Variants in CNTNAP2 observed in about 807,000 individuals in gnomAD.
CNTNAP2 encodes contactin associated protein 2.
A neutral mutation model predicts 155.2 loss-of-function variants in CNTNAP2; 98 were observed. The ratio of observed to expected loss-of-function variants is 0.63; its 90% confidence interval spans 0.54 to 0.75. The LOEUF (loss-of-function observed/expected upper bound fraction) is 0.75, where lower values mean the gene tolerates loss of function less well. CNTNAP2 is among the 30% of genes least tolerant of loss of function. The pLI is 0.00. For missense variants in CNTNAP2, 1,727 were observed against 1,688.1 expected (o/e 1.02, Z -0.40); for synonymous variants, 651 against 631.2 (o/e 1.03, Z -0.47).
Position 146,181,478 on chromosome 7 carries a change from A to T in CNTNAP2, c.97+64505A>T, listed in dbSNP as rs183444997. ...CATATAGTAACATTTGCAAATCTTA[A>T]GTGTCTAAATCAATGCGGTTTTACA... On this transcript the variant is annotated intron_variant, in intron 1 of 23. Transcript: ENST00000361727. 9.2e-5 allele frequency among the ~76,000 whole-genome samples: 14 copies of T among 152,290 alleles called. No homozygotes were observed. In the South Asian group the frequency reaches 1.7e-3, roughly 18 times the overall value.
At chr7:147,199,414 A>C (rs1279452217) in intron 8 of CNTNAP2, among the ~76,000 whole-genome samples, 1 of 152,242 alleles carries the variant, frequency 6.6e-6, no homozygotes, top group African/African-American at 2.4e-5. Context: ...AGATATTAAG[A>C]AATGCAAAAC....
intron 8 of CNTNAP2, among the ~76,000 whole-genome samples, chr7:147,190,599 T>C (rs1250203451): frequency 6.6e-6 from 1 of 152,128 alleles, no homozygotes; most frequent in African/African-American, 2.4e-5. Flanking sequence ...TTCGCAATGG[T>C]GTTGGCTTGA....
chr7:147,193,744 G>A (rs1563110697), intron 8 of CNTNAP2, among the ~76,000 whole-genome samples: 2 of 152,120 alleles, frequency 1.3e-5, no homozygotes, highest in Non-Finnish European at 2.9e-5. Context: ...AATACCAGTT[G>A]CAAAGCAGGA....
chr7:147,923,894 G>A lies in CNTNAP2; in HGVS notation c.2255+20173G>A, dbSNP rs562741208. 3.9e-5 allele frequency among the ~76,000 whole-genome samples: 6 copies of A among 152,256 alleles called. No homozygotes were observed. The South Asian group carries it at 1.0e-3, about 26-fold the overall frequency. On this transcript the variant is annotated intron_variant, in intron 14 of 23. Coordinates refer to ENST00000361727, the MANE Select transcript of CNTNAP2 (RefSeq NM_014141.6). ...CTTGATTTCAGACTTCTAGCCTCCA[G>A]AACTGTGAGAAAATAAATCTCTGTT...
At chr7:147,643,248 A>G (rs1795313773) in intron 13 of CNTNAP2, 1 of 152,226 alleles carries the variant, frequency 6.6e-6, no homozygotes, top group South Asian at 2.1e-4. Context: ...TGGCATACAT[A>G]GTTACCTCCT....
intron 10 of CNTNAP2, among the ~76,000 whole-genome samples, chr7:147,457,187 C>T (rs540849180): frequency 1.6e-4 from 24 of 151,902 alleles, no homozygotes; most frequent in South Asian, 6.2e-4. Context: ...ATGAAAAGGG[C>T]GAGAACAAAG....
intron 1 of CNTNAP2, among the ~76,000 whole-genome samples, chr7:146,516,023 G>T (rs1797535873): frequency 6.6e-6 from 1 of 151,990 alleles, no homozygotes; most frequent in Non-Finnish European, 1.5e-5. Context: ...AGCTGAAGTA[G>T]ATCATCATAA....
intron 8 of CNTNAP2, among the ~76,000 whole-genome samples, chr7:147,266,675 C>T (rs1804618542): frequency 6.6e-6 from 1 of 151,978 alleles, no homozygotes; most frequent in South Asian, 2.1e-4. Flanking sequence ...AGATTTTGAG[C>T]CTATTGTTGG....
At chr7:147,039,233 C>T (rs183599141) in intron 3 of CNTNAP2, among the ~76,000 whole-genome samples, 14 of 152,070 alleles carry the variant, frequency 9.2e-5, no homozygotes, top group Admixed American at 7.2e-4. Flanking sequence ...TATTCAGGTT[C>T]AGGAGTACAT....
In CNTNAP2 at chr7:146,233,463, TC is replaced by T. The variant is rs766454358; in HGVS notation, c.97+116491del. On this transcript the variant is annotated intron_variant, in intron 1 of 23. Transcript: ENST00000361727. ...GCCTTTTCAGAATATACTCTGTGACTCTTTTTTTTTTATTATTATACTTTAA... is the reference window on the plus strand; with the variant it reads ...GCCTTTTCAGAATATACTCTGTGACTTTTTTTTTTTATTATTATACTTTAA... Among the ~76,000 whole-genome samples, 7 of 74,020 alleles carry T rather than the reference TC, an allele frequency of 9.5e-5. No homozygotes were observed. The East Asian group carries it at 8.2e-3, about 86-fold the overall frequency. 48.6% of individuals were successfully genotyped at this position (74,020 alleles called of 152,430 possible).
chr7:147,161,327 G>A (rs1200057012), intron 8 of CNTNAP2, among the ~76,000 whole-genome samples: 1 of 152,098 alleles, frequency 6.6e-6, no homozygotes, highest in African/African-American at 2.4e-5. Context: ...CTCCTGTGAG[G>A]CTGTTTTATA....
At position 148,287,270 on chromosome 7, in the gene CNTNAP2, G is replaced by A. The variant is rs983662143; in HGVS notation, c.3475+20144G>A. Among the ~76,000 whole-genome samples the A allele has an allele frequency of 8.5e-5, 13 of 152,116 alleles. 1 individual carries two copies. The South Asian group carries it at 1.9e-3, about 22-fold the overall frequency. ...GCTTGATAGATCATTTCTTTTGATT[G>A]ATAAATAATATTTCAGCCTTATTTT... On this transcript the variant is annotated intron_variant, in intron 21 of 23. Transcript: ENST00000361727.
chr7:147,211,663 T>C (rs1803149014), intron 8 of CNTNAP2, among the ~76,000 whole-genome samples: 2 of 151,990 alleles, frequency 1.3e-5, no homozygotes, highest in African/African-American at 2.4e-5. Context: ...TAAAGATAGA[T>C]TAAAGGTTTA....
intron 10 of CNTNAP2, among the ~76,000 whole-genome samples, chr7:147,431,037 T>G: frequency 7.3e-6 from 1 of 136,456 alleles, no homozygotes; most frequent in African/African-American, 2.8e-5. Flanking sequence ...GGCGACAGAG[T>G]GAGACTCCAT....
At chr7:147,422,158 A>T (rs932443236) in intron 10 of CNTNAP2, among the ~76,000 whole-genome samples, 5 of 148,192 alleles carry the variant, frequency 3.4e-5, no homozygotes, top group African/African-American at 9.8e-5. Flanking sequence ...ATGTATATAT[A>T]CAGTATATAT....
intron 1 of CNTNAP2, among the ~76,000 whole-genome samples, chr7:146,426,838 T>C (rs778724256): frequency 6.6e-6 from 1 of 150,710 alleles, no homozygotes; most frequent in Non-Finnish European, 1.5e-5. Flanking sequence ...AAAGAGTAGA[T>C]TGTAAGTGTT....
intron 21 of CNTNAP2, among the ~76,000 whole-genome samples, chr7:148,272,590 A>G (rs1466022099): frequency 1.3e-5 from 2 of 152,220 alleles, no homozygotes; most frequent in Non-Finnish European, 2.9e-5. Context: ...AAGATGGGAT[A>G]AAAATAATAA....
intron 12 of CNTNAP2, among the ~76,000 whole-genome samples, chr7:147,590,284 T>G (rs765779393): frequency 3.7e-4 from 56 of 152,324 alleles, no homozygotes; most frequent in Non-Finnish European, 7.2e-4. Flanking sequence ...GGTTTGGCTC[T>G]GTGTCCCCAC....
chr7:147,454,716 C>G (rs78759413), intron 10 of CNTNAP2, among the ~76,000 whole-genome samples: 40 of 151,758 alleles, frequency 2.6e-4, no homozygotes, highest in African/African-American at 9.0e-4. Context: ...CTTCAAGACG[C>G]CTTAGCCTTT....
Sources: gnomAD v4.1 joint callset for allele counts (sites outside exome capture counted in the v4.1 genomes callset) on GRCh38, gnomAD v4.1.1 for gene constraint, MANE v1.5 for transcripts, NCBI Gene and HGNC (gene_info 2026-07-23, HGNC 2026-07-21) for gene names.